YAE1: variants seen among roughly 807,000 people sequenced by gnomAD.
YAE1 encodes YAE1 maturation factor of ABCE1.
A neutral mutation model predicts 23.0 loss-of-function variants in YAE1; 22 were observed. The ratio of observed to expected loss-of-function variants is 0.96; its 90% CI spans 0.68 to 1.37. YAE1 has a LOEUF of 1.37. Among genes scored for constraint, YAE1 ranks in the 40% most tolerant of loss-of-function variants. The pLI, the probability that YAE1 is intolerant of heterozygous loss-of-function variation, is 0.00. For missense variants in YAE1, 260 were observed against 262.1 expected (o/e 0.99, Z 0.06); for synonymous variants, 101 against 97.0 (o/e 1.04, Z -0.24).
intron 2 of YAE1, among the ~76,000 whole-genome samples, chr7:39,578,630 G>GCTT: frequency 6.6e-6 from 1 of 152,164 alleles, no homozygotes; most frequent in Non-Finnish European, 1.5e-5. Context: ...AAGGTCTGTA[G>GCTT]CTTCACTCCT....
downstream of YAE1, among the ~76,000 whole-genome samples, chr7:39,611,697 G>T (rs943059363): frequency 2.0e-5 from 3 of 152,156 alleles, no homozygotes; most frequent in Non-Finnish European, 2.9e-5. Context: ...GTGAGGAGTT[G>T]GGAGTTAAGT....
intron 2 of YAE1, among the ~76,000 whole-genome samples, chr7:39,597,201 C>A (rs1790987703): frequency 6.6e-6 from 1 of 152,226 alleles, no homozygotes. Context: ...GTAACGCTTT[C>A]TCTCATTATT....
chr7:39,611,792 C>G (rs1300955328), downstream of YAE1, among the ~76,000 whole-genome samples: 3 of 152,054 alleles, frequency 2.0e-5, no homozygotes, highest in Non-Finnish European at 4.4e-5. Context: ...CTGGAAAGTC[C>G]TATTCATATT....
Position 39,606,291 on chromosome 7 carries a change from T to G in YAE1, c.252-3326T>G, listed in dbSNP as rs536980168. On this transcript the variant is annotated intron_variant, in intron 2 of 2. Transcript: ENST00000432096. Reference sequence around the variant, plus strand: ...TAAAAGGGTTATTTTTAATAACCATTTCAAAAATACAGAGACATTTTGGAT... The same window carrying G: ...TAAAAGGGTTATTTTTAATAACCATGTCAAAAATACAGAGACATTTTGGAT... Among the ~76,000 whole-genome samples, 5 of 152,328 alleles carry G rather than the reference T, an allele frequency of 3.3e-5. No homozygotes were observed. In the East Asian group the frequency reaches 5.8e-4, roughly 18 times the overall value.
At chr7:39,609,553 G>A in intron 2 of YAE1, 1 of 1,493,918 alleles carries the variant, frequency 6.7e-7, no homozygotes, top group Non-Finnish European at 8.9e-7. Context: ...GGAGAATGGG[G>A]AAAGTTGTGG....
At chr7:39,609,529 A>C in intron 2 of YAE1, 1 of 1,459,722 alleles carries the variant, frequency 6.9e-7, no homozygotes, top group South Asian at 1.3e-5. Context: ...GAAAATGATG[A>C]TGTTATCGAA....
At chr7:39,601,831 A>G (rs1048232214) in intron 2 of YAE1, among the ~76,000 whole-genome samples, 1 of 152,050 alleles carries the variant, frequency 6.6e-6, no homozygotes, top group Non-Finnish European at 1.5e-5. Context: ...ATTGAATCGC[A>G]TTTGAATTAA....
At chr7:39,571,354 T>A (rs1220907663) in intron 2 of YAE1, among the ~76,000 whole-genome samples, 1 of 151,238 alleles carries the variant, frequency 6.6e-6, no homozygotes, top group Non-Finnish European at 1.5e-5. Flanking sequence ...GTTCTTCCAA[T>A]GTGGCCCAGG....
intron 2 of YAE1, among the ~76,000 whole-genome samples, chr7:39,606,361 T>C (rs1442623115): frequency 6.6e-6 from 1 of 152,258 alleles, no homozygotes; most frequent in African/African-American, 2.4e-5. Flanking sequence ...AATAGAAGAA[T>C]GCTAGTGTAT....
rs777080779 is a variant in YAE1, at chr7:39,572,523, G to GT, written c.501dup (p.Asn168Ter). ...AAAGACTCTGTGAAAATAATGCTGA[G>GT]TTTAACAAAAACTGTAGCAAGAGCC... On this transcript the variant is annotated frameshift_variant, in exon 3 of 3. Transcript: ENST00000223273. LOFTEE classifies it high-confidence loss of function. The GT allele has an allele frequency of 6.2e-7, 1 of 1,614,092 alleles. No homozygotes were observed. The highest frequency in any genetic ancestry group is 8.5e-7 in the Non-Finnish European group (1 of 1,179,976).
At chr7:39,570,328 C>T (rs1790546058) in intron 1 of YAE1, 178 bp from the exon 2 acceptor site, 2 of 750,050 alleles carry the variant, frequency 2.7e-6, no homozygotes, top group Non-Finnish European at 4.2e-6. Flanking sequence ...TAATGATAAA[C>T]CAATAATAAA....
At chr7:39,569,890 A>T in intron 1 of YAE1, 1 of 1,101,108 alleles carries the variant, frequency 9.1e-7, no homozygotes, top group South Asian at 1.2e-5. Flanking sequence ...TTACAATGAT[A>T]AATAGTAGGA....
chr7:39,609,524 T>A, intron 2 of YAE1: 5 of 1,453,436 alleles, frequency 3.4e-6, no homozygotes, highest in Non-Finnish European at 4.6e-6. Context: ...TATCAGAAAA[T>A]GATGATGTTA....
At chr7:39,568,224 C>T (rs538179268) in intron 1 of YAE1, among the ~76,000 whole-genome samples, 17 of 151,412 alleles carry the variant, frequency 1.1e-4, no homozygotes, top group African/African-American at 4.1e-4. Context: ...GGTGACAGAG[C>T]GCGACTCCAT....
intron 1 of YAE1, 58 bp downstream of exon 1, chr7:39,566,605 G>A: frequency 6.2e-7 from 1 of 1,603,942 alleles, no homozygotes; most frequent in Non-Finnish European, 8.5e-7. Context: ...GCGGAGTTGT[G>A]AAGAAGCTGG....
chr7:39,592,571 G>A (rs1790916191), intron 2 of YAE1, among the ~76,000 whole-genome samples: 1 of 152,070 alleles, frequency 6.6e-6, no homozygotes, highest in Non-Finnish European at 1.5e-5. Context: ...CCGTAGTAAA[G>A]TCAAAAAATC....
chr7:39,599,462 G>A (rs535001742), intron 2 of YAE1, among the ~76,000 whole-genome samples: 10 of 151,824 alleles, frequency 6.6e-5, no homozygotes, highest in South Asian at 4.2e-4. Flanking sequence ...TGCAACCTCC[G>A]CCTCCCAAGT....
intron 2 of YAE1, among the ~76,000 whole-genome samples, chr7:39,607,285 A>G (rs542949223): frequency 6.6e-6 from 1 of 152,324 alleles, no homozygotes; most frequent in South Asian, 2.1e-4. Flanking sequence ...ATTATATAGG[A>G]AAGGAATGAA....
At chr7:39,566,841 A>G in intron 1 of YAE1, 1 of 314,802 alleles carries the variant, frequency 3.2e-6, no homozygotes, top group South Asian at 3.5e-5. Context: ...CAGGGAAAGG[A>G]GCTGGAGAGA....
Sources: allele counts gnomAD v4.1 joint callset (sites outside exome capture counted in the v4.1 genomes callset), GRCh38; gene constraint gnomAD v4.1.1; transcripts MANE v1.5; gene names NCBI Gene and HGNC (gene_info 2026-07-23, HGNC 2026-07-21).